Variants in SHCBP1L observed in about 807,000 individuals in gnomAD.
SHCBP1L encodes the protein SHC binding and spindle associated 1 like.
A neutral mutation model predicts 62.5 loss-of-function variants in SHCBP1L; 67 were observed. The observed-to-expected ratio is 1.07, with a 90% confidence interval of 0.88 to 1.31. The LOEUF (loss-of-function observed/expected upper bound fraction) is 1.31, where lower values mean the gene tolerates loss of function less well. Among genes scored for constraint, SHCBP1L ranks in the 40% most tolerant of loss-of-function variants. SHCBP1L has a pLI of 0.00. For synonymous variants in SHCBP1L, 284 were observed against 289.4 expected (o/e 0.98, Z 0.19); for missense variants, 823 against 809.8 (o/e 1.02, Z -0.20).
rs1344712194 is a variant in SHCBP1L at position 182,924,974 on chromosome 1, G to GAAAGAAAGAAAGA, written c.1182+4672_1182+4673insTCTTTCTTTCTTT. ...AGAAAGAAAGAAAGAAAGAAAGAAA[G>GAAAGAAAGAAAGA]AAAAAAAAAGGAAGAAGGAAAGGAA... is the stretch of plus-strand genomic sequence containing the variant. On this transcript the variant is annotated intron_variant, in intron 6 of 9. Transcript: ENST00000367547. Among the ~76,000 whole-genome samples, 265 of 109,470 alleles carry GAAAGAAAGAAAGA rather than the reference G, an allele frequency of 2.4e-3. 3 individuals carry two copies. Among genetic ancestry groups the GAAAGAAAGAAAGA allele is most frequent in the African/African-American group, 9.4e-3 (245 of 26,092 alleles). 71.8% of individuals were successfully genotyped at this position (109,470 alleles called of 152,430 possible). A position where few individuals can be genotyped will look rare whatever the true frequency, so the allele number is the denominator to read the frequency against.
At chr1:182,921,498 A>G (rs1650527063) in intron 6 of SHCBP1L, among the ~76,000 whole-genome samples, 1 of 152,224 alleles carries the variant, frequency 6.6e-6, no homozygotes, top group Non-Finnish European at 1.5e-5. Flanking sequence ...ACAGGATCAA[A>G]TCTGCACATA....
chr1:182,934,864 C>A (rs1558001004), intron 5 of SHCBP1L, among the ~76,000 whole-genome samples: 1 of 152,164 alleles, frequency 6.6e-6, no homozygotes, highest in East Asian at 1.9e-4. Context: ...TCTAGGTTCA[C>A]GTTTTTGGAT....
At chr1:182,901,709 G>A (rs918572481) in intron 9 of SHCBP1L, among the ~76,000 whole-genome samples, 1 of 152,214 alleles carries the variant, frequency 6.6e-6, no homozygotes, top group Non-Finnish European at 1.5e-5. Flanking sequence ...GGTCTGGCGT[G>A]AGGCTCAAAA....
At chr1:182,933,039 G>A (rs142083286) in intron 5 of SHCBP1L, among the ~76,000 whole-genome samples, 75 of 152,176 alleles carry the variant, frequency 4.9e-4, no homozygotes, top group Non-Finnish European at 8.5e-4. Flanking sequence ...CTGAGTAGTT[G>A]GGATTGCAGG....
At chr1:182,909,181 T>C (rs1461194634) in intron 6 of SHCBP1L, among the ~76,000 whole-genome samples, 2 of 152,130 alleles carry the variant, frequency 1.3e-5, no homozygotes, top group Non-Finnish European at 2.9e-5. Flanking sequence ...AAAAGTGTGA[T>C]AGAGGAAGAC....
chr1:182,928,513 G>A lies in SHCBP1L; in HGVS notation c.1182+1134C>T, dbSNP rs75974236. ...TGAAAGGTTGAGAAGGCCTTTTCCTGTGGAAATATTTAAATCAAGACCTGA... is the reference window on the plus strand; with the variant it reads ...TGAAAGGTTGAGAAGGCCTTTTCCTATGGAAATATTTAAATCAAGACCTGA... On this transcript the variant is annotated intron_variant, in intron 6 of 9. Coordinates refer to ENST00000367547, the MANE Select transcript of SHCBP1L (RefSeq NM_030933.4). Among the ~76,000 whole-genome samples, 349 of 152,264 alleles carry A rather than the reference G, an allele frequency of 2.3e-3. 2 individuals are homozygous for A. The highest frequency in any genetic ancestry group is 8.0e-3 in the African/African-American group (334 of 41,556).
chr1:182,920,668 A>G (rs761421768), intron 6 of SHCBP1L, among the ~76,000 whole-genome samples: 48 of 152,192 alleles, frequency 3.2e-4, no homozygotes, highest in Non-Finnish European at 6.0e-4. Context: ...AATGAATCCA[A>G]TAAACAATAC....
At chr1:182,947,258 A>T (rs927290980) in intron 2 of SHCBP1L, among the ~76,000 whole-genome samples, 8 of 151,252 alleles carry the variant, frequency 5.3e-5, no homozygotes, top group African/African-American at 1.9e-4. Flanking sequence ...AAAAAAAAAA[A>T]TCACAATGAT....
rs1465484644 is a variant in SHCBP1L, at chr1:182,930,655, G to A, written c.1077-903C>T. On this transcript the variant is annotated intron_variant, in intron 5 of 9. Transcript: ENST00000367547. ...GACAGGGTCTTGCCCTGGAGTATAT[G>A]TGTGTGTGTGTGTGTGTGTGTGTGT... Among the ~76,000 whole-genome samples the A allele has an allele frequency of 3.1e-4, 3 of 9,722 alleles. 1 individual carries two copies. Among genetic ancestry groups the A allele is most frequent in the African/African-American group, 1.5e-3 (3 of 2,054 alleles). 6.4% of individuals were successfully genotyped at this position (9,722 alleles called of 152,430 possible). A position where few individuals can be genotyped will look rare whatever the true frequency, so the allele number is the denominator to read the frequency against.
intron 8 of SHCBP1L, 141 bp from the exon 9 acceptor site, chr1:182,903,302 T>A: frequency 3.5e-6 from 2 of 570,898 alleles, no homozygotes; most frequent in Non-Finnish European, 5.6e-6. Context: ...TGCATGCAAC[T>A]GTTAATTGTA....
rs1557996896 is a variant in SHCBP1L, at chr1:182,924,789, AG to A, written c.1182+4857del. ...GAAAGAAAGAAAGAAAGAAAGAAAG[AG>A]AGAAAGAAAGGAAGGAAGGAAGGAG... On this transcript the variant is annotated intron_variant, in intron 6 of 9. Coordinates refer to ENST00000367547, the MANE Select transcript of SHCBP1L (RefSeq NM_030933.4). 2.1e-4 allele frequency among the ~76,000 whole-genome samples: 18 copies of A among 85,134 alleles called. 3 individuals are homozygous for A. Among genetic ancestry groups the A allele is most frequent in the African/African-American group, 1.9e-3 (18 of 9,320 alleles). The allele number at this position is 85,134 out of a possible 152,430, so 55.9% of individuals were successfully genotyped here.
At chr1:182,924,968 A>AAG (rs779709791) in intron 6 of SHCBP1L, among the ~76,000 whole-genome samples, 35 of 140,962 alleles carry the variant, frequency 2.5e-4, no homozygotes, top group Non-Finnish European at 4.6e-4. Context: ...GAAAGAAAGA[A>AAG]AGAAAGAAAA....
chr1:182,943,050 A>G (rs976893592), intron 2 of SHCBP1L, among the ~76,000 whole-genome samples: 11 of 152,334 alleles, frequency 7.2e-5, no homozygotes, highest in African/African-American at 2.6e-4. Context: ...TTGTGACAGG[A>G]CAAAAATATA....
intron 6 of SHCBP1L, among the ~76,000 whole-genome samples, chr1:182,924,459 G>A (rs748290143): frequency 2.6e-5 from 4 of 151,476 alleles, no homozygotes; most frequent in Non-Finnish European, 5.9e-5. Context: ...TACAATGCCC[G>A]GCTAATTTTT....
intron 2 of SHCBP1L, among the ~76,000 whole-genome samples, chr1:182,941,375 T>C (rs144929184): frequency 1.3e-5 from 2 of 152,002 alleles, no homozygotes; most frequent in African/African-American, 4.8e-5. Flanking sequence ...ATTCTTGACA[T>C]ATGTAACAAA....
rs371432299 is a variant in SHCBP1L at position 182,915,161 on chromosome 1, CAAAAAAAAAAAAAAA to C, written c.1183-9527_1183-9513del. ...TGGGCAACAGAGGCAGACTCTGTCT[CAAAAAAAAAAAAAAA>C]AAAAAAAAAAAAAAAAAAAGAATCT... On this transcript the variant is annotated intron_variant, in intron 6 of 9. Coordinates refer to ENST00000367547, the MANE Select transcript of SHCBP1L (RefSeq NM_030933.4). 3.6e-3 allele frequency among the ~76,000 whole-genome samples: 115 copies of C among 31,912 alleles called. 1 individual carries two copies. Among genetic ancestry groups the C allele is most frequent in the African/African-American group, 7.8e-3 (99 of 12,640 alleles). 20.9% of individuals were successfully genotyped at this position (31,912 alleles called of 152,430 possible).
At chr1:182,951,135 T>C (rs539904983) in intron 2 of SHCBP1L, among the ~76,000 whole-genome samples, 183 bp downstream of exon 2, 20 of 152,352 alleles carry the variant, frequency 1.3e-4, no homozygotes, top group Middle Eastern at 3.4e-3. Flanking sequence ...CATTTAATGA[T>C]AATGGTTTAC....
intron 2 of SHCBP1L, among the ~76,000 whole-genome samples, chr1:182,948,316 GC>G (rs1466989912): frequency 1.3e-5 from 2 of 152,168 alleles, no homozygotes; most frequent in African/African-American, 4.8e-5. Flanking sequence ...ACCTTACATG[GC>G]AAAATGGACT....
In SHCBP1L at chr1:182,948,112, G is replaced by C. The variant is rs146656902; in HGVS notation, c.555+3206C>G. Among the ~76,000 whole-genome samples, 190 of 152,298 alleles carry C rather than the reference G, an allele frequency of 1.2e-3. 2 individuals carry two copies. Among genetic ancestry groups the C allele is most frequent in the Admixed American group, 2.5e-3 (38 of 15,292 alleles). On this transcript the variant is annotated intron_variant, in intron 2 of 9. Transcript: ENST00000367547. ...TCAGCAAGGCTTCCAGTCAACAGTA[G>C]GCTATTAGTTAAGTATTTGGGAAGT...
Sources: gnomAD v4.1 joint callset for allele counts (sites outside exome capture counted in the v4.1 genomes callset) on GRCh38, gnomAD v4.1.1 for gene constraint, MANE v1.5 for transcripts, NCBI Gene and HGNC (gene_info 2026-07-23, HGNC 2026-07-21) for gene names.